Variants in SQOR observed in about 807,000 individuals in gnomAD.
The protein encoded by SQOR is sulfide quinone oxidoreductase, also known as sulfide:quinone oxidoreductase, mitochondrial.
Under a neutral mutation model 48.6 loss-of-function variants are expected in SQOR, and 39 were observed. The observed-to-expected ratio is 0.80, with a 90% CI of 0.62 to 1.05. SQOR has a LOEUF of 1.05. Ranked by LOEUF, SQOR falls within the 50% of genes least tolerant of loss-of-function variation. SQOR has a pLI of 0.00. For missense variants in SQOR, 561 were observed against 559.9 expected, an observed-to-expected ratio of 1.00 and a Z score of -0.02; for synonymous variants, 220 against 206.2, an observed-to-expected ratio of 1.07 and a Z score of -0.57.
intron 5 of SQOR, among the ~76,000 whole-genome samples, chr15:45,675,540 G>A (rs562178463): frequency 1.3e-4 from 19 of 151,930 alleles, no homozygotes; most frequent in South Asian, 1.2e-3. Flanking sequence ...GATTACAGGC[G>A]CCTGTCACCA....
At chr15:45,681,458 T>A (rs761618723) in intron 6 of SQOR, among the ~76,000 whole-genome samples, 3 of 152,044 alleles carry the variant, frequency 2.0e-5, no homozygotes, top group Non-Finnish European at 4.4e-5. Context: ...TTGTAATAAG[T>A]ACAAGTCATC....
At chr15:45,641,822 T>A (rs1034951363) in intron 1 of SQOR, among the ~76,000 whole-genome samples, 5 of 152,216 alleles carry the variant, frequency 3.3e-5, no homozygotes, top group African/African-American at 7.2e-5. Context: ...CTTCATTATA[T>A]TCACCTGAAC....
At position 45,646,228 on chromosome 15, in the gene SQOR, A is replaced by G. The variant is rs897943626; in HGVS notation, c.-18+11120A>G. On this transcript the variant is annotated intron_variant, in intron 1 of 9. Coordinates refer to ENST00000260324, the MANE Select transcript of SQOR (RefSeq NM_021199.4). ...ATGCAGGACTCTTCTGTTCTGCCCT[A>G]TCGCAGCAGAGAGGCCATCCCTGGA... Among the ~76,000 whole-genome samples, 5 of 152,222 alleles carry G rather than the reference A, an allele frequency of 3.3e-5. 1 individual carries two copies. The highest frequency in any genetic ancestry group is 2.6e-4 in the Admixed American group (4 of 15,284).
intron 6 of SQOR, among the ~76,000 whole-genome samples, chr15:45,681,055 A>AAAC (rs1172951157): frequency 1.3e-5 from 2 of 152,090 alleles, no homozygotes; most frequent in Non-Finnish European, 2.9e-5. Flanking sequence ...ATAAAAGAAA[A>AAAC]AACAACAACA....
rs769651120 is a variant in SQOR, at chr15:45,673,734, A to G, written c.587A>G (p.Asn196Ser). Reference protein sequence around the residue: ...KEGNAIFTFPNTPVKCAGAPQ... With the variant: ...KEGNAIFTFPSTPVKCAGAPQ... ...GGCAATGCCATCTTCACCTTCCCAA[A>G]TACTCCAGTGAAGTGTGCTGGAGCC... The change falls in exon 5 of 10, where the codon AAT becomes AGT. Residue 196 changes from asparagine to serine, a missense_variant. Transcript: ENST00000260324. The G allele has an allele frequency of 6.2e-7, 1 of 1,614,190 alleles. No homozygotes were observed. Among genetic ancestry groups the G allele is most frequent in the South Asian group, 1.1e-5 (1 of 91,084 alleles).
chr15:45,632,823 G>A (rs1436872834), upstream of SQOR, among the ~76,000 whole-genome samples: 1 of 151,986 alleles, frequency 6.6e-6, no homozygotes, highest in Non-Finnish European at 1.5e-5. Context: ...AACTGTCCTG[G>A]CCAGTCATGG....
At position 45,689,370 on chromosome 15, in the gene SQOR, T is replaced by C. The variant is rs1231102216; in HGVS notation, c.1295+153T>C. 4 of 637,496 alleles carry C rather than the reference T, an allele frequency of 6.3e-6. No homozygotes were observed. In the East Asian group the frequency reaches 8.7e-5, roughly 14 times the overall value. The allele number at this position is 637,496 out of a possible 1,614,324, so 39.5% of individuals were successfully genotyped here. On this transcript the variant is annotated intron_variant, in intron 9 of 9. Transcript: ENST00000260324. Reference sequence around the variant, plus strand: ...TCTTTTGCTGCTGGATAAATAATAATAGTAAATCACTTTCACATACCAAGT... The same window carrying C: ...TCTTTTGCTGCTGGATAAATAATAACAGTAAATCACTTTCACATACCAAGT...
intron 1 of SQOR, among the ~76,000 whole-genome samples, chr15:45,642,908 T>TCA (rs984147082): frequency 2.0e-5 from 3 of 152,196 alleles, no homozygotes; most frequent in Middle Eastern, 3.2e-3. Context: ...CAGGAGCTTA[T>TCA]CGCTCACACC....
rs750729101 is a variant in SQOR, at chr15:45,661,985, GTGGGTGCTGGTGCCAA to G, written c.266_281del (p.Val89AspfsTer13). 3 of 1,614,186 alleles carry G rather than the reference GTGGGTGCTGGTGCCAA, an allele frequency of 1.9e-6. No homozygotes were observed. The Admixed American group carries it at 5.0e-5, about 27-fold the overall frequency. On this transcript the variant is annotated frameshift_variant, in exon 3 of 10. Coordinates refer to ENST00000260324, the MANE Select transcript of SQOR (RefSeq NM_021199.4). LOFTEE classifies it high-confidence loss of function. ...TTTCTACCAGCCAATCTGGACACTGGTGGGTGCTGGTGCCAAACAATTGTCCTCATCTGGTCGTCCC... is the reference window on the plus strand; with the variant it reads ...TTTCTACCAGCCAATCTGGACACTGGACAATTGTCCTCATCTGGTCGTCCC...
chr15:45,651,616 T>C (rs568796830), intron 1 of SQOR, among the ~76,000 whole-genome samples: 11 of 152,314 alleles, frequency 7.2e-5, no homozygotes, highest in African/African-American at 2.4e-4. Context: ...TGTGCCACTA[T>C]GCCCGTCTAA....
intron 1 of SQOR, among the ~76,000 whole-genome samples, chr15:45,642,722 G>A (rs1895126470): frequency 6.6e-6 from 1 of 152,118 alleles, no homozygotes; most frequent in Non-Finnish European, 1.5e-5. Context: ...ACAGGTCCCT[G>A]ACATAACTTC....
chr15:45,683,400 C>T (rs1230252998), intron 7 of SQOR, among the ~76,000 whole-genome samples: 5 of 152,238 alleles, frequency 3.3e-5, no homozygotes, highest in Non-Finnish European at 5.9e-5. Context: ...AAGACAAATA[C>T]AGTGGAGCAT....
intron 3 of SQOR, among the ~76,000 whole-genome samples, chr15:45,667,837 G>T (rs553456531): frequency 3.0e-4 from 45 of 152,084 alleles, no homozygotes; most frequent in African/African-American, 1.1e-3. Flanking sequence ...TAATATGCCC[G>T]GATTGCTCAA....
chr15:45,644,377 C>T (rs1216542266), intron 1 of SQOR, among the ~76,000 whole-genome samples: 7 of 152,170 alleles, frequency 4.6e-5, no homozygotes, highest in Non-Finnish European at 7.3e-5. Context: ...TGAGCCACCG[C>T]GCCTGGCTTT....
intron 5 of SQOR, among the ~76,000 whole-genome samples, chr15:45,674,440 T>TAA (rs766883123): frequency 1.4e-5 from 2 of 138,758 alleles, no homozygotes; most frequent in African/African-American, 5.3e-5. Flanking sequence ...AGCTCCGTCT[T>TAA]AAAAAAAAAA....
At chr15:45,657,382 T>G (rs1889630940) in intron 1 of SQOR, among the ~76,000 whole-genome samples, 1 of 152,146 alleles carries the variant, frequency 6.6e-6, no homozygotes, top group African/African-American at 2.4e-5. Context: ...TTTTTCTTCT[T>G]CAGTATTAGA....
At chr15:45,645,333 G>A (rs1394208021) in intron 1 of SQOR, among the ~76,000 whole-genome samples, 1 of 152,172 alleles carries the variant, frequency 6.6e-6, no homozygotes, top group African/African-American at 2.4e-5. Flanking sequence ...CCTTCTTAGA[G>A]TTTAAGTCAG....
chr15:45,647,715 A>G (rs919866144), intron 1 of SQOR, among the ~76,000 whole-genome samples: 51 of 152,200 alleles, frequency 3.4e-4, no homozygotes, highest in African/African-American at 7.2e-4. Context: ...CAGGAGTTTG[A>G]GACCAACCTG....
At chr15:45,653,550 GTCTT>G (rs1889536800) in intron 1 of SQOR, among the ~76,000 whole-genome samples, 1 of 152,182 alleles carries the variant, frequency 6.6e-6, no homozygotes, top group Non-Finnish European at 1.5e-5. Flanking sequence ...AGAAGCTCTT[GTCTT>G]GTTATAGAGC....
Sources: gnomAD v4.1 joint callset for allele counts (sites outside exome capture counted in the v4.1 genomes callset) on GRCh38, gnomAD v4.1.1 for gene constraint, MANE v1.5 for transcripts, NCBI Gene and HGNC (gene_info 2026-07-23, HGNC 2026-07-21) for gene names.